CDCP1: variants seen among roughly 807,000 people sequenced by gnomAD.
The protein encoded by CDCP1 is CUB domain-containing protein 1.
Under a neutral mutation model 60.2 loss-of-function variants are expected in CDCP1, and 29 were observed. The ratio of observed to expected loss-of-function variants is 0.48; its 90% CI spans 0.36 to 0.66. The LOEUF is 0.66. Ranked by LOEUF, CDCP1 falls within the 30% of genes least tolerant of loss-of-function variation. CDCP1 has a pLI of 0.00. For synonymous variants in CDCP1, 387 were observed against 431.1 expected (o/e 0.90, Z 1.27); for missense variants, 876 against 1,074.3 (o/e 0.82, Z 2.58).
At chr3:45,110,227 C>A (rs1698663690) in intron 4 of CDCP1, 1 of 1,367,910 alleles carries the variant, frequency 7.3e-7, no homozygotes, top group Non-Finnish European at 9.4e-7. Context: ...TCGTTAAAAA[C>A]AATTTAGCAT....
In CDCP1 at chr3:45,099,677, G is replaced by A. The variant is rs534223539; in HGVS notation, c.1025-4109C>T. On this transcript the variant is annotated intron_variant, in intron 4 of 8. Coordinates refer to ENST00000296129, the MANE Select transcript of CDCP1 (RefSeq NM_022842.5). ...TATATTTTCTCTTTCTTTCTATCGC[G>A]CTGGCTTTTTCTTCACTCCACTTTC... Among the ~76,000 whole-genome samples, 145 of 151,732 alleles carry A rather than the reference G, an allele frequency of 9.6e-4. 2 individuals are homozygous for A. The highest frequency in any genetic ancestry group is 3.3e-3 in the African/African-American group (136 of 41,366).
chr3:45,089,716 T>C (rs1201137699), intron 7 of CDCP1, among the ~76,000 whole-genome samples: 1 of 152,190 alleles, frequency 6.6e-6, no homozygotes, highest in Non-Finnish European at 1.5e-5. Flanking sequence ...GTAGTTTGTA[T>C]ATAGCAATGA....
chr3:45,089,174 A>T, intron 7 of CDCP1, 33 bp from the exon 8 acceptor site: 1 of 1,579,246 alleles, frequency 6.3e-7, no homozygotes, highest in South Asian at 1.1e-5. Flanking sequence ...ACAGATGAAG[A>T]GGCAGCTGGG....
rs1200507770 is a variant in CDCP1, at chr3:45,146,224, G to T, written c.64C>A (p.Arg22Ser). 2 of 1,596,216 alleles carry T rather than the reference G, an allele frequency of 1.3e-6. No individual in the cohort carries two copies. The highest frequency in any genetic ancestry group is 8.5e-7 in the Non-Finnish European group (1 of 1,173,688). Reference sequence around the variant, plus strand: ...CACTCACCTGCCCCGCGCGGCAGGCGCGCCGCACCCAGCAGCAGAACCCCT... The same window carrying T: ...CACTCACCTGCCCCGCGCGGCAGGCTCGCCGCACCCAGCAGCAGAACCCCT... ...LLGVLLLGAA[R>S]LPRGAEAFEI... Residue 22 changes from arginine (R) to serine (S), a missense_variant, in exon 1 of 9, where the codon CGC (arginine) becomes AGC (serine). Arg to Ser is a moderately radical substitution (Grantham distance 110, BLOSUM62 -1). Transcript: ENST00000296129.
intron 1 of CDCP1, among the ~76,000 whole-genome samples, chr3:45,126,207 C>A (rs1451426067): frequency 7.7e-6 from 1 of 129,616 alleles, no homozygotes; most frequent in South Asian, 2.5e-4. Context: ...TCTTTCTTTC[C>A]TTCCTTCCTT....
intron 1 of CDCP1, among the ~76,000 whole-genome samples, chr3:45,126,392 G>A (rs1020981484): frequency 1.3e-5 from 2 of 151,982 alleles, no homozygotes; most frequent in Non-Finnish European, 2.9e-5. Flanking sequence ...AACAGTGCCT[G>A]CTGTGGGAGG....
chr3:45,117,146 T>C (rs907974988), intron 2 of CDCP1, among the ~76,000 whole-genome samples: 1 of 152,198 alleles, frequency 6.6e-6, no homozygotes, highest in African/African-American at 2.4e-5. Flanking sequence ...GGTATGGCTT[T>C]GATTGGATGA....
At chr3:45,132,656 A>G (rs750372947) in intron 1 of CDCP1, among the ~76,000 whole-genome samples, 13 of 152,212 alleles carry the variant, frequency 8.5e-5, no homozygotes, top group Non-Finnish European at 1.5e-4. Flanking sequence ...TCTCTGAACC[A>G]TAAGTTTCTC....
At chr3:45,106,966 G>A (rs768952304) in intron 4 of CDCP1, among the ~76,000 whole-genome samples, 3 of 152,178 alleles carry the variant, frequency 2.0e-5, no homozygotes, top group Non-Finnish European at 4.4e-5. Context: ...AGCTCTTCCA[G>A]TGATCATGAG....
intron 4 of CDCP1, among the ~76,000 whole-genome samples, chr3:45,097,787 C>T (rs548522560): frequency 1.3e-5 from 2 of 152,292 alleles, no homozygotes; most frequent in East Asian, 3.9e-4. Flanking sequence ...GCTGTCATAT[C>T]TGTTAATTGC....
chr3:45,097,914 T>G (rs1397065090), intron 4 of CDCP1, among the ~76,000 whole-genome samples: 1 of 152,202 alleles, frequency 6.6e-6, no homozygotes, highest in Non-Finnish European at 1.5e-5. Flanking sequence ...GCTGCTAACT[T>G]AAATATAATT....
chr3:45,103,652 G>C (rs1698519545), intron 4 of CDCP1, among the ~76,000 whole-genome samples: 1 of 152,196 alleles, frequency 6.6e-6, no homozygotes, highest in Non-Finnish European at 1.5e-5. Flanking sequence ...TTTCTCACAA[G>C]ACTGGGTTAG....
chr3:45,108,573 A>G (rs1698611857), intron 4 of CDCP1, among the ~76,000 whole-genome samples: 1 of 151,508 alleles, frequency 6.6e-6, no homozygotes, highest in African/African-American at 2.4e-5. Flanking sequence ...TCTAAACCCC[A>G]AGCCCACTCC....
At chr3:45,117,992 C>T (rs1221624395) in intron 2 of CDCP1, among the ~76,000 whole-genome samples, 3 of 152,096 alleles carry the variant, frequency 2.0e-5, no homozygotes, top group African/African-American at 4.8e-5. Context: ...TTTTGTCTTC[C>T]GTATCAGCCA....
At chr3:45,128,146 A>T (rs531419919) in intron 1 of CDCP1, among the ~76,000 whole-genome samples, 71 of 152,244 alleles carry the variant, frequency 4.7e-4, no homozygotes, top group Non-Finnish European at 9.0e-4. Context: ...CTAGTTATCA[A>T]GAAAGGACCT....
intron 4 of CDCP1, among the ~76,000 whole-genome samples, chr3:45,103,362 T>A (rs1433833036): frequency 1.3e-5 from 2 of 152,238 alleles, no homozygotes; most frequent in Non-Finnish European, 2.9e-5. Flanking sequence ...AGCGAGCATA[T>A]CACATTTGTT....
At chr3:45,095,619 G>A (rs760923803) in intron 4 of CDCP1, 51 bp from the exon 5 acceptor site, 26 of 1,520,652 alleles carry the variant, frequency 1.7e-5, no homozygotes, top group East Asian at 2.3e-5. Context: ...GCAGCAACAC[G>A]GGAAATGGCA....
At chr3:45,137,755 G>A (rs537081610) in intron 1 of CDCP1, among the ~76,000 whole-genome samples, 1 of 151,648 alleles carries the variant, frequency 6.6e-6, no homozygotes, top group South Asian at 2.1e-4. Context: ...GGGAGGCAGA[G>A]GCTGCAGTGA....
chr3:45,127,226 T>G (rs909043749), intron 1 of CDCP1, among the ~76,000 whole-genome samples: 4 of 152,252 alleles, frequency 2.6e-5, no homozygotes, highest in African/African-American at 9.6e-5. Context: ...AAGCTTAAGA[T>G]TTAAATTCCA....
Sources: allele counts gnomAD v4.1 joint callset (sites outside exome capture counted in the v4.1 genomes callset), GRCh38; gene constraint gnomAD v4.1.1; transcripts MANE v1.5; gene names NCBI Gene and HGNC (gene_info 2026-07-23, HGNC 2026-07-21).